NUP205: variants seen among roughly 807,000 people sequenced by gnomAD.
NUP205 encodes the protein nucleoporin 205, also known as nuclear pore complex protein Nup205.
NUP205 carries 76 observed loss-of-function variants against 253.8 expected under a neutral mutation model. The ratio of observed to expected loss-of-function variants is 0.30; its 90% confidence interval spans 0.25 to 0.36. NUP205 has a LOEUF of 0.36. NUP205 is among the 10% of genes least tolerant of loss of function. The pLI is 1.00. For synonymous variants in NUP205, 832 were observed against 850.1 expected (o/e 0.98, Z 0.37); for missense variants, 2,162 against 2,425.5 (o/e 0.89, Z 2.28).
At chr7:135,619,003 T>C (rs58297906) in intron 28 of NUP205, among the ~76,000 whole-genome samples, 5,191 of 152,322 alleles carry the variant, frequency 0.034, 117 homozygotes, top group Middle Eastern at 0.1. Flanking sequence ...TCTTTCTTTC[T>C]TTCTTGACTA....
intron 1 of NUP205, among the ~76,000 whole-genome samples, chr7:135,570,457 T>G (rs1039700540): frequency 6.6e-6 from 1 of 151,554 alleles, no homozygotes; most frequent in African/African-American, 2.4e-5. Context: ...TCAGGTAATC[T>G]GTCCGCCTTG....
intron 31 of NUP205, 81 bp from the exon 32 acceptor site, chr7:135,625,083 C>G: frequency 9.6e-7 from 1 of 1,045,414 alleles, no homozygotes; most frequent in Non-Finnish European, 1.4e-6. Flanking sequence ...TATTTCATAT[C>G]TGATGTCAGA....
chr7:135,617,499 T>A (rs986260149), intron 26 of NUP205, 103 bp from the exon 27 acceptor site: 1 of 833,268 alleles, frequency 1.2e-6, no homozygotes, highest in African/African-American at 1.7e-5. Context: ...TATAAAGGTA[T>A]CTGACACCTT....
intron 13 of NUP205, among the ~76,000 whole-genome samples, chr7:135,596,309 C>T (rs1259409690): frequency 6.6e-6 from 1 of 152,146 alleles, no homozygotes; most frequent in African/African-American, 2.4e-5. Context: ...GTTATTGATA[C>T]TTTGTTAACA....
At chr7:135,631,940 G>A (rs1372862615) in intron 35 of NUP205, among the ~76,000 whole-genome samples, 6 of 151,968 alleles carry the variant, frequency 3.9e-5, no homozygotes, top group Non-Finnish European at 7.4e-5. Flanking sequence ...TAGTAGAGAC[G>A]GGGTTTCACC....
Position 135,616,706 on chromosome 7 carries a change from A to T in NUP205, c.3512A>T (p.His1171Leu). 6.4e-7 allele frequency: 1 copy of T among 1,567,108 alleles called. No homozygotes were observed. The highest frequency in any genetic ancestry group is 8.6e-7 in the Non-Finnish European group (1 of 1,160,298). The change falls in exon 25 of 43, where the codon CAC becomes CTC. Residue 1171 changes from histidine (H) to leucine (L), a missense_variant. This residue lies in a region of NUP205 where 1,144 missense variants were observed against 1,280.9 expected (regional missense o/e 0.89). Transcript: ENST00000285968. ...DENRSVSGFL[H>L]FDTATKVRRK... Reference sequence around the variant, plus strand: ...AACAGGTCTGTTTCTGGGTTCCTTCACTTTGACACTGCTACAAAAGGTAAT... The same window carrying T: ...AACAGGTCTGTTTCTGGGTTCCTTCTCTTTGACACTGCTACAAAAGGTAAT...
Position 135,576,354 on chromosome 7 carries a change from C to T in NUP205, c.428C>T (p.Ala143Val), listed in dbSNP as rs748358929. ...TACTGGGATGGAAAGCGATGCATTG[C>T]GAATTCCTTGAAAGCCTTGATACAG... ...LLYWDGKRCI[A>V]NSLKALIQSR... is the part of the protein sequence containing the mutation. The change falls in exon 4 of 43, where the codon GCG becomes GTG. Residue 143 changes from alanine to valine, a missense_variant. Ala to Val is a moderately conservative substitution (Grantham distance 64, BLOSUM62 0). This residue lies in a region of NUP205 where 892 missense variants were observed against 957.1 expected (regional missense o/e 0.93). Transcript: ENST00000285968. 6.8e-6 allele frequency: 11 copies of T among 1,613,712 alleles called. No homozygotes were observed. The highest frequency in any genetic ancestry group is 3.3e-5 in the Admixed American group (2 of 59,996).
intron 7 of NUP205, among the ~76,000 whole-genome samples, chr7:135,580,867 C>T (rs936551243): frequency 6.6e-6 from 1 of 151,990 alleles, no homozygotes; most frequent in East Asian, 1.9e-4. Context: ...CATACCACTG[C>T]ACTAGTTTTG....
In NUP205 at chr7:135,626,498, C is replaced by T. The variant is rs2129491794; in HGVS notation, c.4793+137C>T. ...GGGTTTTTTTGGTCATACTGTGCCC[C>T]TGTCATTTACTAATAAATGGAAGTT... On this transcript the variant is annotated intron_variant, in intron 33 of 42. Transcript: ENST00000285968. 6.1e-6 allele frequency: 5 copies of T among 824,318 alleles called. No homozygotes were observed. The East Asian group carries it at 1.1e-4, about 18-fold the overall frequency. 51.1% of individuals were successfully genotyped at this position (824,318 alleles called of 1,614,324 possible).
chr7:135,634,450 A>G (rs1219919295), intron 35 of NUP205, among the ~76,000 whole-genome samples: 1 of 152,182 alleles, frequency 6.6e-6, no homozygotes, highest in East Asian at 1.9e-4. Context: ...TCTTAGTTTC[A>G]TGATAGCGTT....
rs747312318 is a variant in NUP205, at chr7:135,587,885, C to T, written c.1366C>T (p.His456Tyr). ...IGELYKKNPF[H>Y]LELALEYWCP... ...CGAGCTATATAAAAAGAACCCTTTT[C>T]ATCTGGAGCTTGCTCTAGAATATTG... Residue 456 changes from histidine to tyrosine, a missense_variant, in exon 10 of 43, where the codon CAT (histidine) becomes TAT (tyrosine). Coordinates refer to ENST00000285968, the MANE Select transcript of NUP205 (RefSeq NM_015135.3). 10 of 1,613,718 alleles carry T rather than the reference C, an allele frequency of 6.2e-6. No individual in the cohort carries two copies. The highest frequency in any genetic ancestry group is 8.5e-6 in the Non-Finnish European group (10 of 1,179,790).
chr7:135,625,763 A>G (rs764557354), intron 32 of NUP205, among the ~76,000 whole-genome samples: 6 of 152,236 alleles, frequency 3.9e-5, no homozygotes, highest in Non-Finnish European at 8.8e-5. Flanking sequence ...CTTTGCCTGC[A>G]AATCTGTTTT....
chr7:135,601,150 A>G (rs1445234920), intron 16 of NUP205, among the ~76,000 whole-genome samples, 181 bp downstream of exon 16: 3 of 152,206 alleles, frequency 2.0e-5, no homozygotes, highest in Admixed American at 2.0e-4. Context: ...AAGATCAAGA[A>G]CACTGCATTA....
At chr7:135,631,901 C>T (rs1038943927) in intron 35 of NUP205, among the ~76,000 whole-genome samples, 3 of 152,102 alleles carry the variant, frequency 2.0e-5, no homozygotes, top group South Asian at 4.1e-4. Flanking sequence ...AGGCGCCCGC[C>T]ACCACGCCTG....
intron 7 of NUP205, 126 bp downstream of exon 7, chr7:135,579,041 A>G (rs1806230796): frequency 3.1e-6 from 2 of 650,164 alleles, no homozygotes; most frequent in Non-Finnish European, 2.4e-6. Flanking sequence ...AGTTGTATTA[A>G]ATGAAACCTT....
intron 35 of NUP205, among the ~76,000 whole-genome samples, chr7:135,633,018 T>G (rs903406349): frequency 6.6e-6 from 1 of 152,054 alleles, no homozygotes; most frequent in Non-Finnish European, 1.5e-5. Flanking sequence ...CAGGCTGGAG[T>G]GCAAAGCTGC....
At chr7:135,566,420 G>A (rs528404242) in intron 1 of NUP205, among the ~76,000 whole-genome samples, 2 of 152,300 alleles carry the variant, frequency 1.3e-5, no homozygotes, top group Admixed American at 1.3e-4. Context: ...TGGGAAGTAT[G>A]TCTGCATAGG....
At chr7:135,572,897 C>A (rs1241475907) in intron 2 of NUP205, among the ~76,000 whole-genome samples, 3 of 150,312 alleles carry the variant, frequency 2.0e-5, no homozygotes, top group Non-Finnish European at 4.4e-5. Context: ...CATCCAAGAA[C>A]TATTTATAGG....
chr7:135,579,416 A>G (rs2129489901), intron 7 of NUP205, among the ~76,000 whole-genome samples: 1 of 150,846 alleles, frequency 6.6e-6, no homozygotes, highest in South Asian at 2.1e-4. Flanking sequence ...CTGGTCTTGA[A>G]CTCCCGACCT....
Sources: allele counts gnomAD v4.1 joint callset (sites outside exome capture counted in the v4.1 genomes callset), GRCh38; gene constraint gnomAD v4.1.1; regional missense constraint gnomAD v4.1.1; transcripts MANE v1.5; gene names NCBI Gene and HGNC (gene_info 2026-07-23, HGNC 2026-07-21).